NCOA2: variants seen among roughly 807,000 people sequenced by gnomAD.
NCOA2 encodes nuclear receptor coactivator 2, also known as class E basic helix-loop-helix protein 75.
Under a neutral mutation model 145.1 loss-of-function variants are expected in NCOA2, and 21 were observed. The observed-to-expected ratio is 0.14, with a 90% CI of 0.10 to 0.21. The LOEUF (loss-of-function observed/expected upper bound fraction) is 0.21, where lower values mean the gene tolerates loss of function less well. Ranked by LOEUF, NCOA2 falls within the 10% of genes least tolerant of loss-of-function variation. The pLI, the probability that NCOA2 is intolerant of heterozygous loss-of-function variation, is 1.00. For missense variants in NCOA2, 1,472 were observed against 1,837.6 expected, an observed-to-expected ratio of 0.80 and a Z score of 3.64; for synonymous variants, 619 against 637.5, an observed-to-expected ratio of 0.97 and a Z score of 0.44.
chr8:70,414,068 C>G, the NCOA2 span, among the ~76,000 whole-genome samples: 1 of 152,298 alleles, frequency 6.6e-6, no homozygotes, highest in Non-Finnish European at 1.5e-5. Context: ...TAAATTCCTT[C>G]TATAATAACT....
chr8:70,187,603 ACT>A (rs1816220188), intron 4 of NCOA2, among the ~76,000 whole-genome samples: 1 of 152,092 alleles, frequency 6.6e-6, no homozygotes, highest in East Asian at 1.9e-4. Context: ...AAAACGAAAA[ACT>A]CTCAGAAAAT....
intron 1 of NCOA2, among the ~76,000 whole-genome samples, chr8:70,298,905 T>TA (rs1035429598): frequency 4.6e-5 from 7 of 151,860 alleles, no homozygotes; most frequent in African/African-American, 1.7e-4. Context: ...ACTAAAATAC[T>TA]AAAAAATTAG....
chr8:70,279,416 T>C (rs1233747860), intron 2 of NCOA2, among the ~76,000 whole-genome samples: 1 of 152,200 alleles, frequency 6.6e-6, no homozygotes, highest in Non-Finnish European at 1.5e-5. Context: ...CATGAGGAAA[T>C]GCTATGCTTA....
At chr8:70,300,612 C>T (rs1187861839) in intron 1 of NCOA2, among the ~76,000 whole-genome samples, 4 of 151,898 alleles carry the variant, frequency 2.6e-5, no homozygotes, top group Admixed American at 6.6e-5. Context: ...AATGGCAGGG[C>T]GTGAGAGAGA....
chr8:70,310,137 C>T (rs1165825778), intron 1 of NCOA2, among the ~76,000 whole-genome samples: 4 of 151,834 alleles, frequency 2.6e-5, no homozygotes, highest in African/African-American at 9.7e-5. Context: ...TCGAGACCAG[C>T]AAGACCAGCA....
At chr8:70,415,987 T>C in the NCOA2 span, among the ~76,000 whole-genome samples, 8 of 152,308 alleles carry the variant, frequency 5.3e-5, no homozygotes, top group South Asian at 2.1e-4. Flanking sequence ...ATTAGAGTTC[T>C]CTAGAGAAAT....
chr8:70,404,270 C>T (rs956555188), upstream of NCOA2, among the ~76,000 whole-genome samples: 1 of 152,194 alleles, frequency 6.6e-6, no homozygotes, highest in African/African-American at 2.4e-5. Context: ...AAGGGCAATG[C>T]CAAAAAGAAA....
intron 2 of NCOA2, among the ~76,000 whole-genome samples, chr8:70,268,011 C>G (rs900586069): frequency 2.6e-5 from 4 of 152,168 alleles, no homozygotes; most frequent in Non-Finnish European, 5.9e-5. Context: ...ACTAGCTAGC[C>G]TACCTGGTTT....
intron 11 of NCOA2, among the ~76,000 whole-genome samples, chr8:70,151,518 C>T (rs1214202875): frequency 1.3e-5 from 2 of 152,148 alleles, no homozygotes; most frequent in Non-Finnish European, 2.9e-5. Flanking sequence ...GAACTCCCAA[C>T]CTCAGATGAT....
intron 12 of NCOA2, among the ~76,000 whole-genome samples, chr8:70,147,402 T>C (rs1811221812): frequency 6.6e-6 from 1 of 152,224 alleles, no homozygotes; most frequent in African/African-American, 2.4e-5. Flanking sequence ...ATGGTTGCCA[T>C]TTTTGATCTG....
In NCOA2 at chr8:70,368,353, G is replaced by A. The variant is rs192734013; in HGVS notation, c.-77+35347C>T. On this transcript the variant is annotated intron_variant, in intron 1 of 22. Coordinates refer to ENST00000452400, the MANE Select transcript of NCOA2 (RefSeq NM_006540.4). ...ACTAGGCTGGGACTTTAACCAAGAG[G>A]CAATTTATAAGACATGGAAAAGTTG... Among the ~76,000 whole-genome samples the A allele has an allele frequency of 3.8e-3, 572 of 152,282 alleles. 13 individuals carry two copies. The highest frequency in any genetic ancestry group is 0.031 in the Admixed American group (470 of 15,292).
At position 70,196,377 on chromosome 8, in the gene NCOA2, A is replaced by AAAAAAT. The variant is rs991384416; in HGVS notation, c.259+17520_259+17525dup. ...GGCAACAGGGCTAGACTGTGTCTCA[A>AAAAAAT]AAAAATAAAAATAAAAATAAAAAAT... On this transcript the variant is annotated intron_variant, in intron 4 of 22. Transcript: ENST00000452400. Among the ~76,000 whole-genome samples the AAAAAAT allele has an allele frequency of 8.5e-5, 13 of 152,348 alleles. No individual in the cohort carries two copies. The South Asian group carries it at 1.0e-3, about 12-fold the overall frequency.
At chr8:70,390,306 G>A (rs897279906) in intron 1 of NCOA2, among the ~76,000 whole-genome samples, 5 of 152,182 alleles carry the variant, frequency 3.3e-5, no homozygotes, top group South Asian at 2.1e-4. Flanking sequence ...TTGAGTCAGA[G>A]GAGATAACTT....
chr8:70,228,751 T>C (rs1416548477), intron 2 of NCOA2, among the ~76,000 whole-genome samples: 2 of 152,212 alleles, frequency 1.3e-5, no homozygotes, highest in Non-Finnish European at 2.9e-5. Context: ...GTAATAAGCA[T>C]GGAATGAAAC....
At chr8:70,333,713 T>A (rs1426153082) in intron 1 of NCOA2, among the ~76,000 whole-genome samples, 1 of 152,078 alleles carries the variant, frequency 6.6e-6, no homozygotes, top group Non-Finnish European at 1.5e-5. Flanking sequence ...AATTCACCAG[T>A]CCTAAAAGCC....
At chr8:70,118,926 G>C (rs776027176) in intron 22 of NCOA2, among the ~76,000 whole-genome samples, 2 of 152,076 alleles carry the variant, frequency 1.3e-5, no homozygotes, top group Admixed American at 6.6e-5. Flanking sequence ...GACCTCAGGT[G>C]ATCCATCCGC....
the NCOA2 span, among the ~76,000 whole-genome samples, chr8:70,455,543 A>G: frequency 1.3e-5 from 2 of 152,150 alleles, no homozygotes; most frequent in African/African-American, 2.4e-5. Context: ...TTTTTACTCT[A>G]AGTGTTGTTT....
chr8:70,380,264 T>C lies in NCOA2; in HGVS notation c.-77+23436A>G, dbSNP rs377176929. Among the ~76,000 whole-genome samples, 24 of 152,332 alleles carry C rather than the reference T, an allele frequency of 1.6e-4. 1 individual carries two copies. In the South Asian group the frequency reaches 4.8e-3, roughly 30 times the overall value. ...GCATGAATTACTTTCCATTTACCTA[T>C]GCACTTCATAATACTTTTGTAAGAT... is the stretch of plus-strand genomic sequence containing the variant. On this transcript the variant is annotated intron_variant, in intron 1 of 22. Transcript: ENST00000452400.
chr8:70,349,113 T>C (rs547612955), intron 1 of NCOA2, among the ~76,000 whole-genome samples: 2 of 152,018 alleles, frequency 1.3e-5, no homozygotes, highest in Admixed American at 6.6e-5. Context: ...CACTGGAAGT[T>C]CACTGGAGCC....
Sources: gnomAD v4.1 joint callset for allele counts (sites outside exome capture counted in the v4.1 genomes callset) on GRCh38, gnomAD v4.1.1 for gene constraint, MANE v1.5 for transcripts, NCBI Gene and HGNC (gene_info 2026-07-23, HGNC 2026-07-21) for gene names.